The following RELN variants were observed in gnomAD, a reference collection of about 807,000 sequenced individuals.
RELN encodes reelin.
A neutral mutation model predicts 427.6 loss-of-function variants in RELN; 108 were observed. That is an observed-to-expected ratio of 0.25 (90% confidence interval 0.22 to 0.30). The LOEUF is 0.30. RELN is among the 10% of genes least tolerant of loss of function. The pLI, the probability that RELN is intolerant of heterozygous loss-of-function variation, is 1.00. For synonymous variants in RELN, 1,524 were observed against 1,513.4 expected, an observed-to-expected ratio of 1.01 and a Z score of -0.16; for missense variants, 3,715 against 4,302.8, an observed-to-expected ratio of 0.86 and a Z score of 3.82.
At chr7:103,897,000 G>T (rs538774026) in intron 2 of RELN, among the ~76,000 whole-genome samples, 41 of 152,126 alleles carry the variant, frequency 2.7e-4, no homozygotes, top group Admixed American at 4.6e-4. Flanking sequence ...AGGAGCAAAG[G>T]TATGTCTTAC....
At chr7:103,509,983 G>T (rs1562861814) in intron 51 of RELN, among the ~76,000 whole-genome samples, 1 of 152,118 alleles carries the variant, frequency 6.6e-6, no homozygotes, top group Non-Finnish European at 1.5e-5. Context: ...AAAAAGTCAG[G>T]AAACAACAGA....
chr7:103,545,031 G>T (rs566193593), intron 42 of RELN, 93 bp downstream of exon 42: 8 of 869,142 alleles, frequency 9.2e-6, no homozygotes, highest in Non-Finnish European at 1.5e-5. Context: ...TGAGATATTA[G>T]AATTAAACTT....
chr7:103,507,626 G>C (rs1040649391), intron 51 of RELN, among the ~76,000 whole-genome samples: 3 of 152,224 alleles, frequency 2.0e-5, no homozygotes, highest in East Asian at 1.9e-4. Flanking sequence ...AAAAGAACTA[G>C]AGAAGCAGGA....
At position 103,833,571 on chromosome 7, in the gene RELN, C is replaced by T; in HGVS notation, c.439G>A (p.Ala147Thr). 3 of 1,614,026 alleles carry T rather than the reference C, an allele frequency of 1.9e-6. No homozygotes were observed. Among genetic ancestry groups the T allele is most frequent in the Non-Finnish European group, 2.5e-6 (3 of 1,179,950 alleles). Reference protein sequence around the residue: ...PTTNLSFIWIAPPAGTGCVNF... With the variant: ...PTTNLSFIWITPPAGTGCVNF... ...ACACAGCCTGTGCCCGCAGGTGGAGCAATCCAGATGAAACTGAGGTTGGTT... is the reference window on the plus strand; with the variant it reads ...ACACAGCCTGTGCCCGCAGGTGGAGTAATCCAGATGAAACTGAGGTTGGTT... The change falls in exon 3 of 65, where the codon GCT (alanine) becomes ACT (threonine). Residue 147 changes from alanine to threonine, a missense_variant. By Grantham distance (58) the Ala-to-Thr change is moderately conservative. Coordinates refer to ENST00000428762, the MANE Select transcript of RELN (RefSeq NM_005045.4).
intron 37 of RELN, 23 bp from the exon 38 acceptor site, chr7:103,557,182 A>T: frequency 6.4e-7 from 1 of 1,572,998 alleles, no homozygotes; most frequent in African/African-American, 1.3e-5. Flanking sequence ...TAACACAGGT[A>T]TAAAACATAC....
intron 16 of RELN, among the ~76,000 whole-genome samples, chr7:103,643,862 T>C (rs762991911): frequency 6.6e-6 from 1 of 152,008 alleles, no homozygotes; most frequent in Non-Finnish European, 1.5e-5. Flanking sequence ...TTGCTTCTGC[T>C]TCCTGAGTAG....
At chr7:103,633,554 C>T (rs1322462435) in intron 19 of RELN, among the ~76,000 whole-genome samples, 3 of 151,858 alleles carry the variant, frequency 2.0e-5, no homozygotes, top group Non-Finnish European at 4.4e-5. Flanking sequence ...CCACTTTGAT[C>T]TTAATCTTTC....
chr7:103,721,293 C>T (rs907403114), intron 8 of RELN, among the ~76,000 whole-genome samples: 5 of 151,058 alleles, frequency 3.3e-5, no homozygotes, highest in African/African-American at 9.8e-5. Context: ...TGTTACTCTT[C>T]CAGTCTTCCA....
chr7:103,535,863 T>G (rs362735), intron 45 of RELN, among the ~76,000 whole-genome samples: 1 of 152,124 alleles, frequency 6.6e-6, no homozygotes, highest in East Asian at 1.9e-4. Context: ...TAATTTAATA[T>G]TATAGTGATA....
At chr7:103,882,021 A>G (rs1426849208) in intron 2 of RELN, among the ~76,000 whole-genome samples, 1 of 152,218 alleles carries the variant, frequency 6.6e-6, no homozygotes, top group African/African-American at 2.4e-5. Context: ...CGAATCAACT[A>G]ACCAATGAAT....
intron 3 of RELN, among the ~76,000 whole-genome samples, chr7:103,832,275 G>A (rs1369305998): frequency 6.6e-6 from 1 of 152,118 alleles, no homozygotes; most frequent in Non-Finnish European, 1.5e-5. Context: ...TTGCTTGACT[G>A]CCTATAGAAC....
chr7:103,551,932 T>G (rs1282685121), intron 40 of RELN, among the ~76,000 whole-genome samples: 1 of 145,682 alleles, frequency 6.9e-6, no homozygotes, highest in Non-Finnish European at 1.5e-5. Context: ...TCTGTGTGTG[T>G]GTGTGGGTGT....
intron 16 of RELN, among the ~76,000 whole-genome samples, chr7:103,643,895 T>C (rs1443489855): frequency 1.3e-5 from 2 of 151,966 alleles, no homozygotes; most frequent in Admixed American, 1.3e-4. Flanking sequence ...GCATGTGCCA[T>C]GCCTGACTAC....
chr7:103,605,120 G>A (rs1017311113), intron 22 of RELN, among the ~76,000 whole-genome samples: 1 of 152,174 alleles, frequency 6.6e-6, no homozygotes, highest in Non-Finnish European at 1.5e-5. Flanking sequence ...GTAAGCCACC[G>A]CGCCCTGCCA....
chr7:103,800,940 C>A (rs577477719), intron 3 of RELN, among the ~76,000 whole-genome samples: 4 of 152,164 alleles, frequency 2.6e-5, no homozygotes, highest in Non-Finnish European at 5.9e-5. Context: ...AGACACATCT[C>A]AAAAGAAGAC....
intron 38 of RELN, among the ~76,000 whole-genome samples, chr7:103,556,425 A>G (rs958802986): frequency 1.1e-5 from 1 of 95,056 alleles, no homozygotes; most frequent in African/African-American, 5.9e-5. Context: ...GATTATATAT[A>G]CGTGTATATA....
intron 28 of RELN, among the ~76,000 whole-genome samples, chr7:103,578,227 A>G (rs1831047693): frequency 1.3e-5 from 2 of 152,188 alleles, no homozygotes; most frequent in South Asian, 4.1e-4. Context: ...TTGCAGTTAT[A>G]GATCCTAAGG....
chr7:103,838,463 T>C (rs1453005003), intron 2 of RELN, among the ~76,000 whole-genome samples: 2 of 152,176 alleles, frequency 1.3e-5, no homozygotes, highest in Admixed American at 6.5e-5. Context: ...AGACTCTACA[T>C]TTTTAAGCTG....
At chr7:103,724,014 T>C (rs1315946698) in intron 7 of RELN, among the ~76,000 whole-genome samples, 1 of 152,132 alleles carries the variant, frequency 6.6e-6, no homozygotes, top group Admixed American at 6.5e-5. Context: ...CTTTGACCCA[T>C]ACCAGCTCAA....
Sources: gnomAD v4.1 joint callset for allele counts (sites outside exome capture counted in the v4.1 genomes callset) on GRCh38, gnomAD v4.1.1 for gene constraint, MANE v1.5 for transcripts, NCBI Gene and HGNC (gene_info 2026-07-23, HGNC 2026-07-21) for gene names.